PXDNL: variants seen among roughly 807,000 people sequenced by gnomAD.
PXDNL encodes peroxidasin like, also known as probable oxidoreductase PXDNL.
Under a neutral mutation model 150.8 loss-of-function variants are expected in PXDNL, and 145 were observed. That is an observed-to-expected ratio of 0.96 (90% CI 0.84 to 1.10). PXDNL has a LOEUF of 1.10. Among genes scored for constraint, PXDNL ranks in the 50% least tolerant of loss-of-function variants. The pLI is 0.00. For missense variants in PXDNL, 2,087 were observed against 1,873.9 expected (o/e 1.11, Z -2.10); for synonymous variants, 757 against 725.7 (o/e 1.04, Z -0.69).
chr8:51,653,212 G>T (rs1815077068), intron 2 of PXDNL, among the ~76,000 whole-genome samples: 1 of 152,130 alleles, frequency 6.6e-6, no homozygotes, highest in South Asian at 2.1e-4. Flanking sequence ...AAGGTCAGGA[G>T]ATTGAGACCA....
At chr8:51,546,809 G>C (rs1812370052) in intron 4 of PXDNL, among the ~76,000 whole-genome samples, 1 of 152,168 alleles carries the variant, frequency 6.6e-6, no homozygotes, top group South Asian at 2.1e-4. Flanking sequence ...CAGATGGGCG[G>C]GGCACAGCAG....
At chr8:51,684,977 T>A (rs971061292) in intron 1 of PXDNL, among the ~76,000 whole-genome samples, 1 of 152,188 alleles carries the variant, frequency 6.6e-6, no homozygotes, top group African/African-American at 2.4e-5. Flanking sequence ...AGCAAGAACC[T>A]AGCCATGGGA....
chr8:51,714,726 C>T (rs965813547), intron 1 of PXDNL, among the ~76,000 whole-genome samples: 4 of 152,110 alleles, frequency 2.6e-5, no homozygotes, highest in Non-Finnish European at 5.9e-5. Context: ...TTCCATTGCA[C>T]CATTTTGTAA....
rs964607618 is a variant in PXDNL at position 51,400,708 on chromosome 8, T to C, written c.3557+7359A>G. On this transcript the variant is annotated intron_variant, in intron 17 of 22. Transcript: ENST00000356297. ...ACAGAATGAGTTTTGATTGGTTAAG[T>C]GTGTGCATTTTTAACTTTTTGAAAT... 2.0e-5 allele frequency among the ~76,000 whole-genome samples: 3 copies of C among 152,330 alleles called. No individual in the cohort carries two copies. The East Asian group carries it at 5.8e-4, about 29-fold the overall frequency.
At chr8:51,516,310 A>G (rs1382836026) in intron 4 of PXDNL, among the ~76,000 whole-genome samples, 1 of 152,218 alleles carries the variant, frequency 6.6e-6, no homozygotes, top group African/African-American at 2.4e-5. Context: ...GCCACTTTTG[A>G]TTAGAAACAC....
chr8:51,658,909 T>C (rs375319315), intron 1 of PXDNL, among the ~76,000 whole-genome samples: 1 of 152,190 alleles, frequency 6.6e-6, no homozygotes, highest in African/African-American at 2.4e-5. Context: ...CTGACAGACA[T>C]TTTGGTTGTT....
At chr8:51,744,344 AAGAGAGAAAGAAAAG>A (rs2036950579) in intron 1 of PXDNL, among the ~76,000 whole-genome samples, 1 of 150,724 alleles carries the variant, frequency 6.6e-6, no homozygotes, top group Non-Finnish European at 1.5e-5. Flanking sequence ...GAAAGAGAGA[AAGAGAGAAAGAAAAG>A]AGAGAGAAAG....
chr8:51,670,466 ACACACG>A, intron 1 of PXDNL, among the ~76,000 whole-genome samples: 1 of 152,328 alleles, frequency 6.6e-6, no homozygotes, highest in East Asian at 1.9e-4. Flanking sequence ...TTCCTAGGCT[ACACACG>A]TGTACAGCAT....
chr8:51,333,248 T>C (rs968842114), intron 21 of PXDNL, among the ~76,000 whole-genome samples: 1 of 151,320 alleles, frequency 6.6e-6, no homozygotes, highest in African/African-American at 2.4e-5. Context: ...AAGCAACATA[T>C]ATGAAGGAAA....
intron 1 of PXDNL, among the ~76,000 whole-genome samples, chr8:51,675,020 C>T (rs920293296): frequency 3.3e-5 from 5 of 152,196 alleles, no homozygotes; most frequent in African/African-American, 1.2e-4. Flanking sequence ...TGAGAACTAA[C>T]TCTGAGCTAT....
At chr8:51,595,080 T>C (rs1188418935) in intron 2 of PXDNL, among the ~76,000 whole-genome samples, 1 of 152,130 alleles carries the variant, frequency 6.6e-6, no homozygotes, top group East Asian at 1.9e-4. Context: ...GTAAAAATGT[T>C]ACAGTTTTTA....
intron 20 of PXDNL, among the ~76,000 whole-genome samples, chr8:51,342,764 A>G (rs1351683514): frequency 1.3e-5 from 2 of 152,094 alleles, no homozygotes; most frequent in Admixed American, 6.6e-5. Flanking sequence ...GTAGTTCTAT[A>G]AGACACTATA....
intron 21 of PXDNL, among the ~76,000 whole-genome samples, chr8:51,332,713 A>C (rs1476525075): frequency 6.6e-6 from 1 of 152,180 alleles, no homozygotes; most frequent in African/African-American, 2.4e-5. Flanking sequence ...TCAGCAATAA[A>C]ATTGAACAAG....
chr8:51,413,740 C>T (rs938771615), intron 14 of PXDNL, among the ~76,000 whole-genome samples: 7 of 152,106 alleles, frequency 4.6e-5, no homozygotes, highest in African/African-American at 1.7e-4. Context: ...TTATAGCTCT[C>T]TAACATGTGA....
chr8:51,380,398 T>C (rs146429082), intron 17 of PXDNL, among the ~76,000 whole-genome samples: 6 of 152,300 alleles, frequency 3.9e-5, no homozygotes, highest in Middle Eastern at 6.8e-3. Context: ...AATAAGTATA[T>C]CATTTGTGGG....
At chr8:51,506,941 T>C (rs913392227) in intron 4 of PXDNL, among the ~76,000 whole-genome samples, 4 of 152,242 alleles carry the variant, frequency 2.6e-5, no homozygotes, top group Non-Finnish European at 5.9e-5. Context: ...TTTTTCATAG[T>C]GTCTAACAGT....
chr8:51,760,438 T>C (rs1037291267), intron 1 of PXDNL, among the ~76,000 whole-genome samples: 1 of 152,040 alleles, frequency 6.6e-6, no homozygotes, highest in Non-Finnish European at 1.5e-5. Context: ...AGAAATAAAA[T>C]GAATCCTCCC....
intron 12 of PXDNL, among the ~76,000 whole-genome samples, chr8:51,443,777 T>C (rs1809608545): frequency 6.6e-6 from 1 of 152,236 alleles, no homozygotes; most frequent in South Asian, 2.1e-4. Context: ...GAATAAAATA[T>C]TACCTCACAA....
chr8:51,629,205 A>C (rs1029564618), intron 2 of PXDNL, among the ~76,000 whole-genome samples: 3 of 152,224 alleles, frequency 2.0e-5, no homozygotes, highest in African/African-American at 4.8e-5. Context: ...AAGTATGTAA[A>C]GGAAGCAGAC....
Sources: allele counts gnomAD v4.1 joint callset (sites outside exome capture counted in the v4.1 genomes callset), GRCh38; gene constraint gnomAD v4.1.1; transcripts MANE v1.5; gene names NCBI Gene and HGNC (gene_info 2026-07-23, HGNC 2026-07-21).